Variants in TESPA1 observed in about 807,000 individuals in gnomAD.
TESPA1 encodes thymocyte expressed, positive selection associated 1, also known as protein TESPA1.
A neutral mutation model predicts 57.9 loss-of-function variants in TESPA1; 33 were observed. The observed-to-expected ratio is 0.57, with a 90% CI of 0.43 to 0.76. The LOEUF (loss-of-function observed/expected upper bound fraction) is 0.76, where lower values mean the gene tolerates loss of function less well. Among genes scored for constraint, TESPA1 ranks in the 30% least tolerant of loss-of-function variants. The probability of loss-of-function intolerance (pLI) is 0.00; values close to 1 mark genes in which losing one functional copy is unlikely to be tolerated. For synonymous variants in TESPA1, 227 were observed against 228.9 expected (o/e 0.99, Z 0.07); for missense variants, 618 against 632.9 (o/e 0.98, Z 0.25).
intron 10 of TESPA1, among the ~76,000 whole-genome samples, chr12:54,951,690 T>C (rs1470236228): frequency 6.6e-6 from 1 of 152,214 alleles, no homozygotes; most frequent in Non-Finnish European, 1.5e-5. Context: ...TGCATTTTCC[T>C]TCCTATTGGA....
intron 10 of TESPA1, among the ~76,000 whole-genome samples, chr12:54,955,135 G>A (rs552181229): frequency 6.6e-6 from 1 of 152,242 alleles, no homozygotes; most frequent in African/African-American, 2.4e-5. Context: ...ACAGGTTTAA[G>A]GTAATATTTC....
At chr12:54,978,324 T>C (rs1006131752) in intron 1 of TESPA1, among the ~76,000 whole-genome samples, 1 of 152,202 alleles carries the variant, frequency 6.6e-6, no homozygotes, top group African/African-American at 2.4e-5. Flanking sequence ...GCATGTCAGT[T>C]AGGCTTTTTT....
intron 3 of TESPA1, 184 bp from the exon 4 acceptor site, chr12:54,968,076 T>C: frequency 7.0e-7 from 1 of 1,437,302 alleles, no homozygotes; most frequent in Non-Finnish European, 9.4e-7. Flanking sequence ...TAGAAGTAGT[T>C]GGGGAAACTG....
At chr12:54,971,768 A>G (rs1319635987) in intron 3 of TESPA1, among the ~76,000 whole-genome samples, 3 of 152,098 alleles carry the variant, frequency 2.0e-5, no homozygotes, top group Admixed American at 2.0e-4. Context: ...CTAAAGTCTT[A>G]TTTTACTTCT....
At chr12:54,958,492 T>TTTA (rs1344823854) in intron 10 of TESPA1, among the ~76,000 whole-genome samples, 1,575 of 150,026 alleles carry the variant, frequency 0.01, 15 homozygotes, top group East Asian at 0.027. Context: ...ATTTTTGCGT[T>TTTA]TTTTTGTGCG....
chr12:54,956,755 A>G (rs931294214), intron 10 of TESPA1, among the ~76,000 whole-genome samples: 5 of 152,186 alleles, frequency 3.3e-5, no homozygotes, highest in African/African-American at 1.2e-4. Flanking sequence ...ATTTCTTACA[A>G]TTCTGGAGGC....
chr12:54,980,943 C>G (rs535235177), intron 1 of TESPA1, among the ~76,000 whole-genome samples: 4 of 152,144 alleles, frequency 2.6e-5, no homozygotes, highest in Admixed American at 2.6e-4. Context: ...ATCTTTTCTT[C>G]TATACCTAAG....
chr12:54,953,219 A>G (rs913877244), intron 10 of TESPA1, among the ~76,000 whole-genome samples: 3 of 152,198 alleles, frequency 2.0e-5, no homozygotes, highest in African/African-American at 4.8e-5. Context: ...TTCCTACCTT[A>G]GACTAAACCA....
chr12:54,982,010 T>A (rs1345451102), intron 1 of TESPA1: 2 of 152,320 alleles, frequency 1.3e-5, no homozygotes, highest in African/African-American at 4.8e-5. Flanking sequence ...GGGGTTTCCA[T>A]GATGTGGCCC....
At chr12:54,966,914 G>A (rs995179322) in intron 5 of TESPA1, among the ~76,000 whole-genome samples, 13 of 152,174 alleles carry the variant, frequency 8.5e-5, no homozygotes, top group African/African-American at 2.7e-4. Context: ...AAACATTATA[G>A]TAATTTTATA....
Position 54,961,220 on chromosome 12 carries a change from G to C in TESPA1, c.1515C>G (p.Ser505Arg), listed in dbSNP as rs1951054760. ...GGTGGTGGTGGGGGTGCCTGGGTCTGCTGGGCCAGCGACTCTGACTCTGCT... is the reference window on the plus strand; with the variant it reads ...GGTGGTGGTGGGGGTGCCTGGGTCTCCTGGGCCAGCGACTCTGACTCTGCT... ...EEEQSQSRWP[S>R]RPRHPHHHQT... The change falls in exon 10 of 11, where the codon AGC (serine) becomes AGG (arginine). Residue 505 changes from serine (S) to arginine (R), a missense_variant. Coordinates refer to ENST00000449076, the MANE Select transcript of TESPA1 (RefSeq NM_001136030.3). 1.2e-6 allele frequency: 2 copies of C among 1,613,864 alleles called. No homozygotes were observed. Among genetic ancestry groups the C allele is most frequent in the Non-Finnish European group, 1.7e-6 (2 of 1,179,890 alleles).
chr12:54,971,452 C>A (rs1211557290), intron 3 of TESPA1, among the ~76,000 whole-genome samples: 1 of 152,288 alleles, frequency 6.6e-6, no homozygotes, highest in South Asian at 2.1e-4. Context: ...CTTTTCCATG[C>A]AATTAAGAAG....
chr12:54,973,135 A>G (rs974363248), intron 3 of TESPA1, among the ~76,000 whole-genome samples: 3 of 152,192 alleles, frequency 2.0e-5, no homozygotes, highest in Non-Finnish European at 4.4e-5. Flanking sequence ...TCCTTTTGTT[A>G]CACAATGTAA....
At chr12:54,951,280 G>A (rs1950371271) in intron 10 of TESPA1, among the ~76,000 whole-genome samples, 1 of 152,150 alleles carries the variant, frequency 6.6e-6, no homozygotes, top group Non-Finnish European at 1.5e-5. Context: ...TGCTGACCAT[G>A]TGAATATGTG....
intron 3 of TESPA1, among the ~76,000 whole-genome samples, chr12:54,969,021 G>GTGTGTGTGTATATATATATATATATATA (rs370590552): frequency 1.1e-3 from 95 of 83,624 alleles, no homozygotes; most frequent in African/African-American, 1.5e-3. Flanking sequence ...ATTTATATAT[G>GTGTGTGTGTATATATATATATATATATA]TATATATATA....
intron 6 of TESPA1, 82 bp from the exon 7 acceptor site, chr12:54,966,233 C>T: frequency 6.4e-7 from 1 of 1,562,738 alleles, no homozygotes; most frequent in South Asian, 1.1e-5. Context: ...TGGACTTATT[C>T]ACCCCCTGAA....
In TESPA1 at chr12:54,981,303, G is replaced by T. The variant is rs150196356; in HGVS notation, c.-46+3282C>A. On this transcript the variant is annotated intron_variant, in intron 1 of 10. Coordinates refer to ENST00000449076, the MANE Select transcript of TESPA1 (RefSeq NM_001136030.3). Reference sequence around the variant, plus strand: ...AGGAAAGAAGGAAGGAAGAAGGTGAGAATTGCAGGGTACAGTTGACAGTAT... The same window carrying T: ...AGGAAAGAAGGAAGGAAGAAGGTGATAATTGCAGGGTACAGTTGACAGTAT... Among the ~76,000 whole-genome samples the T allele has an allele frequency of 1.3e-3, 194 of 152,046 alleles. 2 individuals carry two copies. The highest frequency in any genetic ancestry group is 3.9e-4 in the East Asian group (2 of 5,170).
intron 10 of TESPA1, among the ~76,000 whole-genome samples, chr12:54,960,473 A>C (rs1309834685): frequency 6.6e-6 from 1 of 152,224 alleles, no homozygotes; most frequent in Non-Finnish European, 1.5e-5. Context: ...CTAAATGAGC[A>C]TAGCTGTGAG....
intron 3 of TESPA1, among the ~76,000 whole-genome samples, chr12:54,972,953 C>T (rs1474397881): frequency 6.6e-6 from 1 of 152,148 alleles, no homozygotes; most frequent in East Asian, 1.9e-4. Flanking sequence ...TGTGGGGTCT[C>T]ATAATTTAAA....
Sources: gnomAD v4.1 joint callset for allele counts (sites outside exome capture counted in the v4.1 genomes callset) on GRCh38, gnomAD v4.1.1 for gene constraint, MANE v1.5 for transcripts, NCBI Gene and HGNC (gene_info 2026-07-23, HGNC 2026-07-21) for gene names.